The following ERBB4 variants were observed in gnomAD, a reference collection of about 807,000 sequenced individuals.
ERBB4 encodes receptor tyrosine-protein kinase erbB-4.
ERBB4 carries 42 observed loss-of-function variants against 158.0 expected under a neutral mutation model. The ratio of observed to expected loss-of-function variants is 0.27; its 90% CI spans 0.21 to 0.34. ERBB4 has a LOEUF of 0.34. ERBB4 is among the 10% of genes least tolerant of loss of function. ERBB4 has a pLI of 1.00. For synonymous variants in ERBB4, 583 were observed against 558.7 expected, an observed-to-expected ratio of 1.04 and a Z score of -0.61; for missense variants, 1,333 against 1,624.1, an observed-to-expected ratio of 0.82 and a Z score of 3.08.
At chr2:211,917,459 A>G (rs2079728575) in intron 3 of ERBB4, among the ~76,000 whole-genome samples, 1 of 152,164 alleles carries the variant, frequency 6.6e-6, no homozygotes, top group Non-Finnish European at 1.5e-5. Context: ...TAACTTATGC[A>G]GTCATTACCA....
chr2:211,461,818 T>C (rs1020759832), intron 20 of ERBB4, among the ~76,000 whole-genome samples: 2 of 151,518 alleles, frequency 1.3e-5, no homozygotes, highest in African/African-American at 4.9e-5. Flanking sequence ...AAAAGCAAAA[T>C]GGTAACCTCT....
intron 2 of ERBB4, among the ~76,000 whole-genome samples, chr2:211,981,774 T>C (rs2081803909): frequency 6.6e-6 from 1 of 152,190 alleles, no homozygotes; most frequent in South Asian, 2.1e-4. Flanking sequence ...ACAGAACTCA[T>C]AAATATTTGC....
At chr2:211,501,964 T>C (rs939406664) in intron 20 of ERBB4, among the ~76,000 whole-genome samples, 2 of 152,108 alleles carry the variant, frequency 1.3e-5, no homozygotes, top group African/African-American at 4.8e-5. Flanking sequence ...CATATACTTT[T>C]CCCCTACCTG....
At chr2:211,556,652 G>A (rs929531768) in intron 20 of ERBB4, among the ~76,000 whole-genome samples, 1 of 151,918 alleles carries the variant, frequency 6.6e-6, no homozygotes, top group Non-Finnish European at 1.5e-5. Context: ...CTCAGCAAAC[G>A]CAAAGGAACT....
At chr2:212,479,587 C>A (rs76369986) in intron 1 of ERBB4, among the ~76,000 whole-genome samples, 3,175 of 152,198 alleles carry the variant, frequency 0.021, 95 homozygotes, top group South Asian at 0.055. Context: ...AACATCCCTA[C>A]TTTAATGATT....
chr2:211,691,187 T>C (rs971097123), intron 12 of ERBB4, among the ~76,000 whole-genome samples: 2 of 152,178 alleles, frequency 1.3e-5, no homozygotes, highest in East Asian at 3.8e-4. Flanking sequence ...TGATTAGACA[T>C]AGATTTAAAC....
At chr2:211,748,376 A>G (rs2075033611) in intron 5 of ERBB4, among the ~76,000 whole-genome samples, 1 of 152,226 alleles carries the variant, frequency 6.6e-6, no homozygotes, top group African/African-American at 2.4e-5. Flanking sequence ...GTTTAATTCA[A>G]CTGTAAACCC....
At chr2:212,177,912 A>T (rs2081724590) in intron 1 of ERBB4, among the ~76,000 whole-genome samples, 1 of 151,398 alleles carries the variant, frequency 6.6e-6, no homozygotes, top group Admixed American at 6.6e-5. Flanking sequence ...TGAATGATGA[A>T]ATCAAGTTAA....
Position 211,861,339 on chromosome 2 carries a change from G to T in ERBB4, c.422-73180C>A, listed in dbSNP as rs10190382. ...TCAGTCCAGGCGTGTTTTTTTTTTT[G>T]TTTTTTTTTTGTTTTTTTTTTTTTT... On this transcript the variant is annotated intron_variant, in intron 3 of 27. Transcript: ENST00000342788. Among the ~76,000 whole-genome samples, 477 of 89,628 alleles carry T rather than the reference G, an allele frequency of 5.3e-3. 1 individual carries two copies. Among genetic ancestry groups the T allele is most frequent in the Middle Eastern group, 0.015 (2 of 134 alleles). The allele number at this position is 89,628 out of a possible 152,430, so 58.8% of individuals were successfully genotyped here. A position where few individuals can be genotyped will look rare whatever the true frequency, so the allele number is the denominator to read the frequency against.
At chr2:212,414,417 G>A (rs2091592050) in intron 1 of ERBB4, among the ~76,000 whole-genome samples, 1 of 152,096 alleles carries the variant, frequency 6.6e-6, no homozygotes, top group Non-Finnish European at 1.5e-5. Context: ...GAGGTGTCTT[G>A]CGTACCAGAA....
chr2:211,495,655 A>T (rs2125580830), intron 20 of ERBB4, among the ~76,000 whole-genome samples: 1 of 152,216 alleles, frequency 6.6e-6, no homozygotes, highest in South Asian at 2.1e-4. Flanking sequence ...CTAGGCACAC[A>T]TCAGTCCATG....
intron 17 of ERBB4, among the ~76,000 whole-genome samples, chr2:211,629,535 G>A (rs2125870117): frequency 6.6e-6 from 1 of 152,116 alleles, no homozygotes. Context: ...TCACAGAATT[G>A]GAAAAAACTA....
chr2:212,366,882 A>G (rs1387302332), intron 1 of ERBB4, among the ~76,000 whole-genome samples: 1 of 152,022 alleles, frequency 6.6e-6, no homozygotes, highest in African/African-American at 2.4e-5. Context: ...TGTATAAATG[A>G]ATCCAAAATT....
intron 19 of ERBB4, among the ~76,000 whole-genome samples, chr2:211,570,184 C>T (rs1433186368): frequency 6.6e-6 from 1 of 152,112 alleles, no homozygotes; most frequent in Non-Finnish European, 1.5e-5. Flanking sequence ...CGGAGTCTCA[C>T]TCTATTGCCC....
intron 1 of ERBB4, among the ~76,000 whole-genome samples, chr2:212,141,070 C>T (rs1050597264): frequency 1.3e-5 from 2 of 151,580 alleles, no homozygotes; most frequent in African/African-American, 4.8e-5. Flanking sequence ...ATATAACTAA[C>T]GTCTATAACT....
chr2:212,485,890 A>C (rs1169328725), intron 1 of ERBB4, among the ~76,000 whole-genome samples: 1 of 152,026 alleles, frequency 6.6e-6, no homozygotes, highest in African/African-American at 2.4e-5. Context: ...AATCCTATTC[A>C]TGAGGACTCC....
intron 25 of ERBB4, among the ~76,000 whole-genome samples, chr2:211,397,090 C>T (rs1423222440): frequency 6.6e-6 from 1 of 152,082 alleles, no homozygotes; most frequent in African/African-American, 2.4e-5. Context: ...TACAACTGAT[C>T]TAGGCCAAAA....
At chr2:211,432,484 G>A (rs2063764909) in intron 20 of ERBB4, among the ~76,000 whole-genome samples, 3 of 152,118 alleles carry the variant, frequency 2.0e-5, no homozygotes, top group Admixed American at 1.3e-4. Flanking sequence ...ACTTACAACC[G>A]AGATTTATGG....
At chr2:211,524,968 TC>T (rs2066305837) in intron 20 of ERBB4, among the ~76,000 whole-genome samples, 1 of 152,158 alleles carries the variant, frequency 6.6e-6, no homozygotes, top group African/African-American at 2.4e-5. Context: ...TGGGCTGAAG[TC>T]AGCTTATGCC....
Sources: allele counts gnomAD v4.1 joint callset (sites outside exome capture counted in the v4.1 genomes callset), GRCh38; gene constraint gnomAD v4.1.1; transcripts MANE v1.5; gene names NCBI Gene and HGNC (gene_info 2026-07-23, HGNC 2026-07-21).